SYNE3: variants seen among roughly 807,000 people sequenced by gnomAD.
SYNE3 encodes the protein nesprin-3.
Under a neutral mutation model 111.2 loss-of-function variants are expected in SYNE3, and 100 were observed. The observed-to-expected ratio is 0.90, with a 90% CI of 0.77 to 1.06. The LOEUF is 1.06. Ranked by LOEUF, SYNE3 falls within the 50% of genes least tolerant of loss-of-function variation. The pLI, the probability that SYNE3 is intolerant of heterozygous loss-of-function variation, is 0.00. For missense variants in SYNE3, 1,160 were observed against 1,240.3 expected (o/e 0.94, Z 0.97); for synonymous variants, 547 against 533.9 (o/e 1.02, Z -0.34).
intron 8 of SYNE3, 48 bp downstream of exon 8, chr14:95,449,883 C>T (rs748964750): frequency 3.9e-6 from 6 of 1,533,958 alleles, no homozygotes; most frequent in Admixed American, 4.0e-5. Flanking sequence ...CACCATGCCC[C>T]GCCAGTGGCC....
At chr14:95,432,335 G>A (rs778885844) in intron 16 of SYNE3, among the ~76,000 whole-genome samples, 32 of 152,314 alleles carry the variant, frequency 2.1e-4, no homozygotes, top group South Asian at 4.1e-4. Context: ...TGGAAAGGCC[G>A]TGGCCAAGGC....
chr14:95,450,137 A>G (rs1886985085), intron 7 of SYNE3, 32 bp from the exon 8 acceptor site: 1 of 1,555,354 alleles, frequency 6.4e-7, no homozygotes, highest in Non-Finnish European at 8.7e-7. Flanking sequence ...AAAATGAGGG[A>G]GGAGAGAGAG....
rs1886591391 is a variant in SYNE3 at position 95,444,500 on chromosome 14, C to T, written c.1761G>A (p.Gln587=). Residue 587 remains glutamine, a synonymous_variant, in exon 10 of 18, where the codon CAG becomes CAA. Coordinates refer to ENST00000682763, the MANE Select transcript of SYNE3 (RefSeq NM_152592.6). ...LQRDLPGKQA[Q]LSRLQGLQEE... ...GACCCCTCACCTGCAACCTTGAGAG[C>T]TGGGCCTGTTTTCCAGGAAGGTCCC... 1.2e-6 allele frequency: 2 copies of T among 1,611,778 alleles called. No homozygotes were observed. The highest frequency in any genetic ancestry group is 1.3e-5 in the African/African-American group (1 of 74,880).
chr14:95,450,271 T>A, intron 7 of SYNE3, 166 bp from the exon 8 acceptor site: 1 of 788,970 alleles, frequency 1.3e-6, no homozygotes, highest in Non-Finnish European at 2.0e-6. Context: ...ACAGAAGATG[T>A]AGCTGGAAGG....
intron 4 of SYNE3, 140 bp downstream of exon 4, chr14:95,465,791 G>A (rs1006812743): frequency 1.1e-6 from 1 of 946,446 alleles, no homozygotes. Flanking sequence ...GAACAGGTGA[G>A]TAGATGGATT....
intron 2 of SYNE3, among the ~76,000 whole-genome samples, chr14:95,469,531 CAAAAAAA>C (rs71132350): frequency 0.084 from 8,323 of 99,420 alleles, 261 homozygotes; most frequent in Non-Finnish European, 0.12. Flanking sequence ...CATGTCTCTA[CAAAAAAA>C]AAAAAAAAAA....
chr14:95,511,766 A>C (rs932574980), intron 1 of SYNE3, among the ~76,000 whole-genome samples: 1 of 152,122 alleles, frequency 6.6e-6, no homozygotes, highest in African/African-American at 2.4e-5. Flanking sequence ...TGATCCTATC[A>C]GTTTAATCTC....
chr14:95,435,876 G>A (rs2139381911), intron 15 of SYNE3, among the ~76,000 whole-genome samples: 1 of 152,290 alleles, frequency 6.6e-6, no homozygotes, highest in Middle Eastern at 3.4e-3. Context: ...GCTGCAGGAT[G>A]AGCCATGACC....
At chr14:95,512,201 G>C (rs1206048334) in intron 1 of SYNE3, among the ~76,000 whole-genome samples, 1 of 152,112 alleles carries the variant, frequency 6.6e-6, no homozygotes, top group Non-Finnish European at 1.5e-5. Flanking sequence ...TCATACAACA[G>C]AATTTTTTGC....
intron 15 of SYNE3, among the ~76,000 whole-genome samples, chr14:95,434,294 G>A (rs1194980203): frequency 6.6e-6 from 1 of 152,234 alleles, no homozygotes; most frequent in Non-Finnish European, 1.5e-5. Context: ...AGTCAGTGCT[G>A]TGTTCAGATC....
intron 1 of SYNE3, among the ~76,000 whole-genome samples, chr14:95,515,326 G>C (rs1468936339): frequency 6.6e-6 from 1 of 152,230 alleles, no homozygotes; most frequent in Non-Finnish European, 1.5e-5. Context: ...CTGGGGCACA[G>C]TGACAGGAAA....
chr14:95,462,378 A>G (rs1332677510), intron 4 of SYNE3, among the ~76,000 whole-genome samples: 1 of 152,220 alleles, frequency 6.6e-6, no homozygotes, highest in East Asian at 1.9e-4. Flanking sequence ...CATGGCCTTC[A>G]GCCAACAGCT....
intron 3 of SYNE3, 95 bp from the exon 4 acceptor site, chr14:95,466,335 G>A (rs1595225490): frequency 1.4e-6 from 2 of 1,410,168 alleles, no homozygotes; most frequent in Non-Finnish European, 1.9e-6. Flanking sequence ...ATACTAGGGG[G>A]CTGTGGTCTG....
chr14:95,473,410 G>C (rs1353204027), intron 2 of SYNE3, among the ~76,000 whole-genome samples: 1 of 152,094 alleles, frequency 6.6e-6, no homozygotes, highest in Non-Finnish European at 1.5e-5. Flanking sequence ...ACACAGGCAG[G>C]GCTGTGATGC....
chr14:95,436,690 G>C (rs729667), intron 15 of SYNE3, 130 bp downstream of exon 15: 435,309 of 1,086,754 alleles, frequency 0.4, 95,140 homozygotes, highest in African/African-American at 0.73. Context: ...GTTTAAAAGC[G>C]ATTATCTATA....
At chr14:95,436,761 G>A (rs1886106558) in intron 15 of SYNE3, 59 bp downstream of exon 15, 1 of 1,581,466 alleles carries the variant, frequency 6.3e-7, no homozygotes, top group Admixed American at 1.7e-5. Context: ...ACTCCCTGGT[G>A]GCAAATGCCT....
intron 5 of SYNE3, 56 bp downstream of exon 5, chr14:95,457,121 C>A: frequency 1.3e-6 from 2 of 1,531,308 alleles, no homozygotes; most frequent in South Asian, 1.2e-5. Context: ...GACATAGAAC[C>A]CACCCTCTGT....
chr14:95,432,984 TG>T (rs1286855294), intron 16 of SYNE3, among the ~76,000 whole-genome samples: 1 of 152,144 alleles, frequency 6.6e-6, no homozygotes, highest in African/African-American at 2.4e-5. Context: ...GCCCTCGGCT[TG>T]GGAGATAGGA....
At chr14:95,506,454 G>T (rs1183625232) in intron 1 of SYNE3, among the ~76,000 whole-genome samples, 5 of 152,204 alleles carry the variant, frequency 3.3e-5, no homozygotes, top group African/African-American at 1.2e-4. Flanking sequence ...GGCTTGGCTG[G>T]GTCGACTCTG....
Sources: gnomAD v4.1 joint callset for allele counts (sites outside exome capture counted in the v4.1 genomes callset) on GRCh38, gnomAD v4.1.1 for gene constraint, MANE v1.5 for transcripts, NCBI Gene and HGNC (gene_info 2026-07-23, HGNC 2026-07-21) for gene names.